Variants in KCNN3 observed in about 807,000 individuals in gnomAD.
The protein encoded by KCNN3 is potassium calcium-activated channel subfamily N member 3.
KCNN3 carries 16 observed loss-of-function variants against 62.9 expected under a neutral mutation model. That is an observed-to-expected ratio of 0.25 (90% CI 0.17 to 0.39). The LOEUF (loss-of-function observed/expected upper bound fraction) is 0.39. KCNN3 is among the 10% of genes least tolerant of loss of function. KCNN3 has a pLI of 1.00. For synonymous variants in KCNN3, 370 were observed against 389.2 expected (o/e 0.95, Z 0.58); for missense variants, 599 against 949.4 (o/e 0.63, Z 4.85).
chr1:154,753,953 T>C (rs989251000), intron 3 of KCNN3, among the ~76,000 whole-genome samples: 3 of 152,196 alleles, frequency 2.0e-5, no homozygotes, highest in African/African-American at 7.2e-5. Context: ...TGGTCCGTTG[T>C]CAAGCCAGGC....
intron 1 of KCNN3, among the ~76,000 whole-genome samples, chr1:154,854,653 T>G (rs75382464): frequency 4.6e-5 from 7 of 152,374 alleles, no homozygotes; most frequent in Non-Finnish European, 8.8e-5. Context: ...ATAATGACAT[T>G]TCAGTCAAGG....
chr1:154,762,575 T>C (rs1477399250), intron 3 of KCNN3, among the ~76,000 whole-genome samples: 1 of 152,264 alleles, frequency 6.6e-6, no homozygotes, highest in East Asian at 1.9e-4. Context: ...CTTGTCATGT[T>C]TGCTGCAAAT....
At chr1:154,825,191 G>A (rs951915610) in intron 1 of KCNN3, among the ~76,000 whole-genome samples, 4 of 152,088 alleles carry the variant, frequency 2.6e-5, no homozygotes, top group Non-Finnish European at 4.4e-5. Context: ...CCTGCCACAC[G>A]CATTGCCCCC....
intron 6 of KCNN3, among the ~76,000 whole-genome samples, chr1:154,714,184 T>C (rs374145245): frequency 9.3e-6 from 1 of 107,758 alleles, no homozygotes; most frequent in Non-Finnish European, 1.9e-5. Flanking sequence ...TGGTGTGTGG[T>C]GTGTGTGTGG....
At chr1:154,836,843 T>C (rs1359445105) in intron 1 of KCNN3, among the ~76,000 whole-genome samples, 3 of 152,210 alleles carry the variant, frequency 2.0e-5, no homozygotes, top group African/African-American at 7.2e-5. Context: ...GTCGGGGTCC[T>C]TTCTGTCTCT....
chr1:154,755,475 G>A (rs1647597165), intron 3 of KCNN3, among the ~76,000 whole-genome samples: 1 of 140,098 alleles, frequency 7.1e-6, no homozygotes, highest in Non-Finnish European at 1.5e-5. Context: ...AAGAAAGGAA[G>A]AAAGGAAGGA....
At chr1:154,714,148 GTGGTATGTA>G (rs1700145122) in intron 6 of KCNN3, among the ~76,000 whole-genome samples, 5 of 142,362 alleles carry the variant, frequency 3.5e-5, no homozygotes, top group Admixed American at 7.0e-5. Context: ...GTGTTTGTGT[GTGGTATGTA>G]TGGTGTGTGT....
chr1:154,846,757 C>CA (rs1652078515), intron 1 of KCNN3, among the ~76,000 whole-genome samples: 1 of 152,146 alleles, frequency 6.6e-6, no homozygotes, highest in African/African-American at 2.4e-5. Context: ...TCGCTGTACT[C>CA]CACAGTTGGG....
At chr1:154,799,920 C>A (rs925805084) in intron 2 of KCNN3, among the ~76,000 whole-genome samples, 6 of 152,230 alleles carry the variant, frequency 3.9e-5, no homozygotes. Flanking sequence ...AGCCACCCCA[C>A]CTTTTGCTGC....
At chr1:154,861,438 T>C (rs1397304513) in intron 1 of KCNN3, among the ~76,000 whole-genome samples, 1 of 151,948 alleles carries the variant, frequency 6.6e-6, no homozygotes, top group East Asian at 1.9e-4. Flanking sequence ...GACGAGACAG[T>C]CTCCTCTTTC....
At chr1:154,739,944 G>A (rs1700794478) in intron 3 of KCNN3, among the ~76,000 whole-genome samples, 1 of 152,224 alleles carries the variant, frequency 6.6e-6, no homozygotes, top group African/African-American at 2.4e-5. Context: ...AGAACTTGAG[G>A]CAGAGGTACC....
rs190706761 is a variant in KCNN3 at position 154,867,394 on chromosome 1, G to A, written c.933+1638C>T. On this transcript the variant is annotated intron_variant, in intron 1 of 7. Transcript: ENST00000271915. ...CTATTTTGACTAAGGCGGCTTCCAG[G>A]TGCTGCCCTCCGCTGGGGCAGCCCA... is the stretch of plus-strand genomic sequence containing the variant. 5.3e-3 allele frequency among the ~76,000 whole-genome samples: 804 copies of A among 152,290 alleles called. 4 individuals are homozygous for A. Among genetic ancestry groups the A allele is most frequent in the South Asian group, 0.012 (57 of 4,816 alleles).
At chr1:154,848,132 G>A (rs575629971) in intron 1 of KCNN3, among the ~76,000 whole-genome samples, 3 of 152,322 alleles carry the variant, frequency 2.0e-5, no homozygotes, top group African/African-American at 4.8e-5. Flanking sequence ...GTGCCGGCTG[G>A]TGTGGGCACC....
chr1:154,761,150 AAT>A (rs1647991034), intron 3 of KCNN3, among the ~76,000 whole-genome samples: 4 of 47,030 alleles, frequency 8.5e-5, no homozygotes, highest in Non-Finnish European at 1.3e-4. Context: ...AATAAAAAGT[AAT>A]AAAAAATCAC....
Position 154,869,829 on chromosome 1 carries a change from CTGGCGGTGG to C in KCNN3, c.127_135del (p.Pro43_Pro45del). 3 of 1,563,558 alleles carry C rather than the reference CTGGCGGTGG, an allele frequency of 1.9e-6. No homozygotes were observed. The highest frequency in any genetic ancestry group is 2.6e-6 in the Non-Finnish European group (3 of 1,153,736). On this transcript the variant is annotated inframe_deletion, in exon 1 of 8. Coordinates refer to ENST00000271915, the MANE Select transcript of KCNN3 (RefSeq NM_002249.6). This position sits in a 1 kb window ranked among gnomAD's most constrained non-coding sequence, Gnocchi z 6.1. ...GGCTGCTGGGGGGCTGCTGGTGGCG[CTGGCGGTGG>C]TGGCTGCTGCTGCTGTTGCTGCTGC... is the stretch of plus-strand genomic sequence containing the variant.
At chr1:154,846,718 G>T (rs1363330589) in intron 1 of KCNN3, among the ~76,000 whole-genome samples, 1 of 152,186 alleles carries the variant, frequency 6.6e-6, no homozygotes, top group Non-Finnish European at 1.5e-5. Context: ...ATTGAGCAGA[G>T]AAAGCACTGG....
intron 1 of KCNN3, among the ~76,000 whole-genome samples, chr1:154,838,638 C>T (rs904601182): frequency 2.0e-5 from 3 of 152,162 alleles, no homozygotes; most frequent in Non-Finnish European, 2.9e-5. Flanking sequence ...CCTTCAGGAC[C>T]GGCTCCGTTC....
chr1:154,713,809 T>G (rs2101762206), intron 6 of KCNN3, among the ~76,000 whole-genome samples: 1 of 151,898 alleles, frequency 6.6e-6, no homozygotes, highest in African/African-American at 2.4e-5. Flanking sequence ...CCTTCCATGT[T>G]GAGTGCCTTA....
intron 3 of KCNN3, among the ~76,000 whole-genome samples, chr1:154,758,603 G>C (rs1647848183): frequency 1.3e-5 from 2 of 152,078 alleles, no homozygotes; most frequent in African/African-American, 4.8e-5. Flanking sequence ...GGCAGCCAGG[G>C]GACTTTGGCT....
Sources: allele counts gnomAD v4.1 joint callset (sites outside exome capture counted in the v4.1 genomes callset), GRCh38; gene constraint gnomAD v4.1.1; non-coding constraint Gnocchi (gnomAD v3.1); transcripts MANE v1.5; gene names NCBI Gene and HGNC (gene_info 2026-07-23, HGNC 2026-07-21).